IGF1R: variants seen among roughly 807,000 people sequenced by gnomAD.
IGF1R encodes insulin-like growth factor 1 receptor.
IGF1R carries 44 observed loss-of-function variants against 144.6 expected under a neutral mutation model. The observed-to-expected ratio is 0.30, with a 90% CI of 0.24 to 0.39. IGF1R has a LOEUF of 0.39. IGF1R is among the 10% of genes least tolerant of loss of function. The pLI is 1.00. For synonymous variants in IGF1R, 795 were observed against 722.8 expected (o/e 1.10, Z -1.60); for missense variants, 1,355 against 1,833.7 (o/e 0.74, Z 4.77).
intron 2 of IGF1R, among the ~76,000 whole-genome samples, chr15:98,745,589 T>A (rs1015688499): frequency 6.6e-6 from 1 of 152,258 alleles, no homozygotes. Context: ...TTTGTTATGA[T>A]GTCCTGAGGA....
chr15:98,692,739 C>G (rs950013305), intron 1 of IGF1R, among the ~76,000 whole-genome samples: 1 of 152,154 alleles, frequency 6.6e-6, no homozygotes, highest in African/African-American at 2.4e-5. Context: ...AGATAATGTC[C>G]TTGGTCATAT....
intron 19 of IGF1R, among the ~76,000 whole-genome samples, chr15:98,945,481 C>T (rs531185584): frequency 3.3e-5 from 5 of 152,314 alleles, no homozygotes; most frequent in African/African-American, 1.2e-4. Context: ...AAGGGCTTTA[C>T]ACAGAGACAT....
At chr15:98,650,807 C>A in intron 1 of IGF1R, 1 of 709,208 alleles carries the variant, frequency 1.4e-6, no homozygotes. Flanking sequence ...TTCCTTTGTA[C>A]GTAGTTAATA....
At chr15:98,952,303 A>ACACACACACACACACACAC (rs2016808542) in intron 20 of IGF1R, among the ~76,000 whole-genome samples, 1 of 146,572 alleles carries the variant, frequency 6.8e-6, no homozygotes, top group African/African-American at 2.5e-5. Flanking sequence ...GTACCCCACC[A>ACACACACACACACACACAC]ACACACACAC....
At chr15:98,659,800 G>T (rs1414959148) in intron 1 of IGF1R, among the ~76,000 whole-genome samples, 2 of 152,080 alleles carry the variant, frequency 1.3e-5, no homozygotes, top group Admixed American at 6.6e-5. Flanking sequence ...GAAAAATACA[G>T]CAAGATTTAC....
intron 10 of IGF1R, among the ~76,000 whole-genome samples, chr15:98,919,488 G>GT (rs557337978): frequency 5.7e-4 from 87 of 152,314 alleles, no homozygotes; most frequent in African/African-American, 1.4e-3. Flanking sequence ...GGCAAGACCT[G>GT]TTTTTTTCTC....
intron 2 of IGF1R, among the ~76,000 whole-genome samples, chr15:98,768,337 C>G (rs918227128): frequency 2.0e-5 from 3 of 151,992 alleles, no homozygotes; most frequent in African/African-American, 7.2e-5. Context: ...CACAACCTGG[C>G]CAGGCGCGGT....
At chr15:98,894,795 G>C (rs1487214031) in intron 3 of IGF1R, among the ~76,000 whole-genome samples, 1 of 152,062 alleles carries the variant, frequency 6.6e-6, no homozygotes, top group East Asian at 1.9e-4. Flanking sequence ...CAGCACCTTG[G>C]GAGGCTGAGG....
At chr15:98,949,188 G>A (rs2016676426) in intron 20 of IGF1R, among the ~76,000 whole-genome samples, 1 of 152,182 alleles carries the variant, frequency 6.6e-6, no homozygotes, top group Non-Finnish European at 1.5e-5. Flanking sequence ...ACCACGTAGG[G>A]TCAGCTTGGT....
In IGF1R at chr15:98,891,697, A is replaced by T. The variant is rs1016125570; in HGVS notation, c.953+60A>T. The T allele has an allele frequency of 6.6e-7, 1 of 1,511,200 alleles. No homozygotes were observed. The highest frequency in any genetic ancestry group is 1.4e-5 in the African/African-American group (1 of 73,148). 93.6% of individuals were successfully genotyped at this position (1,511,200 alleles called of 1,614,324 possible). On this transcript the variant is annotated intron_variant, in intron 3 of 20. Coordinates refer to ENST00000650285, the MANE Select transcript of IGF1R (RefSeq NM_000875.5). The surrounding 1 kb of genome is among the most constrained non-coding windows in gnomAD (Gnocchi z 4.7). ...CCCACCTCACCCGCCACCCTAGCAC[A>T]CAAAGGTAGACTCTGTCGGTTGTTT...
At chr15:98,869,377 G>A (rs1162342145) in intron 2 of IGF1R, among the ~76,000 whole-genome samples, 1 of 149,256 alleles carries the variant, frequency 6.7e-6, no homozygotes, top group African/African-American at 2.5e-5. Flanking sequence ...AATTGGCAAC[G>A]ACCACACCAC....
At chr15:98,702,630 TAAGGCTTTCTTTA>T (rs2053763716) in intron 1 of IGF1R, among the ~76,000 whole-genome samples, 1 of 152,212 alleles carries the variant, frequency 6.6e-6, no homozygotes, top group Non-Finnish European at 1.5e-5. Flanking sequence ...GCCTGACTTT[TAAGGCTTTCTTTA>T]AAATGGCATC....
At chr15:98,685,503 C>T (rs1311994724) in intron 1 of IGF1R, among the ~76,000 whole-genome samples, 1 of 152,170 alleles carries the variant, frequency 6.6e-6, no homozygotes, top group Non-Finnish European at 1.5e-5. Context: ...CAGTCTCCTC[C>T]AGCCCACTCT....
chr15:98,876,314 T>TAA lies in IGF1R; in HGVS notation c.641-14999_641-14998dup, dbSNP rs35359680. The stretch of plus-strand genomic sequence containing the variant: ...ACAAAAAAAGAAAACTATTAAGAGT[T>TAA]AAAAAAAAAAAAAGAGAGAGAGAGT... On this transcript the variant is annotated intron_variant, in intron 2 of 20. Coordinates refer to ENST00000650285, the MANE Select transcript of IGF1R (RefSeq NM_000875.5). Among the ~76,000 whole-genome samples, 1,250 of 143,824 alleles carry TAA rather than the reference T, an allele frequency of 8.7e-3. 6 individuals are homozygous for TAA. The highest frequency in any genetic ancestry group is 0.02 in the East Asian group (95 of 4,846). 94.4% of individuals were successfully genotyped at this position (143,824 alleles called of 152,430 possible). A position where few individuals can be genotyped will look rare whatever the true frequency, so the allele number is the denominator to read the frequency against.
chr15:98,700,176 C>A (rs1055516239), intron 1 of IGF1R, among the ~76,000 whole-genome samples: 1 of 152,190 alleles, frequency 6.6e-6, no homozygotes, highest in African/African-American at 2.4e-5. Context: ...AACCCATGCT[C>A]TCTCTTCTCT....
At position 98,913,014 on chromosome 15, in the gene IGF1R, G is replaced by A. The variant is rs371619935; in HGVS notation, c.1590-30G>A. The stretch of plus-strand genomic sequence containing the variant: ...TTGAGGGTTTTGATGTCAGAGCCCC[G>A]AACTTTCTCTGAACTTAATTGTCTT... On this transcript the variant is annotated intron_variant, in intron 7 of 20. Coordinates refer to ENST00000650285, the MANE Select transcript of IGF1R (RefSeq NM_000875.5). The A allele has an allele frequency of 1.1e-4, 175 of 1,544,720 alleles. No homozygotes were observed. The Middle Eastern group carries it at 1.2e-3, about 10-fold the overall frequency.
At chr15:98,821,923 C>A (rs978059486) in intron 2 of IGF1R, among the ~76,000 whole-genome samples, 2 of 152,146 alleles carry the variant, frequency 1.3e-5, no homozygotes, top group Non-Finnish European at 2.9e-5. Context: ...CCACTCCAGG[C>A]CAACTCATTT....
intron 15 of IGF1R, among the ~76,000 whole-genome samples, chr15:98,930,734 CT>C (rs1193535098): frequency 1.3e-5 from 2 of 151,962 alleles, no homozygotes; most frequent in East Asian, 1.9e-4. Flanking sequence ...AATTACAGCT[CT>C]GCTTTTTTTT....
intron 2 of IGF1R, among the ~76,000 whole-genome samples, chr15:98,782,204 A>G (rs936606474): frequency 6.6e-6 from 1 of 152,220 alleles, no homozygotes; most frequent in Non-Finnish European, 1.5e-5. Flanking sequence ...CTTTTAAAGA[A>G]GAAACAAAAC....
Sources: allele counts gnomAD v4.1 joint callset (sites outside exome capture counted in the v4.1 genomes callset), GRCh38; gene constraint gnomAD v4.1.1; non-coding constraint Gnocchi (gnomAD v3.1); transcripts MANE v1.5; gene names NCBI Gene and HGNC (gene_info 2026-07-23, HGNC 2026-07-21).